The following TUT4 variants were observed in gnomAD, a reference collection of about 807,000 sequenced individuals.
TUT4 encodes terminal uridylyltransferase 4.
TUT4 carries 36 observed loss-of-function variants against 192.2 expected under a neutral mutation model. The ratio of observed to expected loss-of-function variants is 0.19; its 90% CI spans 0.14 to 0.25. The LOEUF (loss-of-function observed/expected upper bound fraction) is 0.25. TUT4 is among the 10% of genes least tolerant of loss of function. The pLI is 1.00. For missense variants in TUT4, 1,493 were observed against 1,957.2 expected (o/e 0.76, Z 4.47); for synonymous variants, 618 against 666.0 (o/e 0.93, Z 1.11).
Position 52,526,306 on chromosome 1 carries a change from T to C in TUT4, c.-26A>G, listed in dbSNP as rs770173130. On this transcript the variant is annotated 5_prime_UTR_variant, in exon 2 of 30. Transcript: ENST00000257177. ...TATTTGAAAATCTGTTTCTTTCCAA[T>C]TGTGATATTATAAAATGGCAGATCT... The C allele has an allele frequency of 4.8e-6, 7 of 1,458,340 alleles. No homozygotes were observed. The highest frequency in any genetic ancestry group is 2.9e-5 in the African/African-American group (2 of 69,324). 90.3% of individuals were successfully genotyped at this position (1,458,340 alleles called of 1,614,324 possible).
chr1:52,441,723 C>T (rs1470235970), intron 24 of TUT4, among the ~76,000 whole-genome samples: 1 of 152,126 alleles, frequency 6.6e-6, no homozygotes, highest in Admixed American at 6.6e-5. Context: ...ACGTTTATGA[C>T]TGTACTATAT....
intron 4 of TUT4, among the ~76,000 whole-genome samples, chr1:52,506,783 T>C (rs1348547647): frequency 2.6e-5 from 4 of 152,228 alleles, no homozygotes; most frequent in African/African-American, 2.4e-5. Flanking sequence ...TCAGTTATTA[T>C]AGCTGACTTT....
intron 4 of TUT4, among the ~76,000 whole-genome samples, chr1:52,502,671 T>C (rs1389868640): frequency 7.2e-6 from 1 of 138,808 alleles, no homozygotes; most frequent in Non-Finnish European, 1.5e-5. Flanking sequence ...CAGGTTGGCG[T>C]GGCGTGCAAT....
intron 20 of TUT4, among the ~76,000 whole-genome samples, chr1:52,448,102 C>A (rs1434126442): frequency 6.6e-6 from 1 of 152,122 alleles, no homozygotes; most frequent in African/African-American, 2.4e-5. Context: ...CCCTACTAGA[C>A]CAAAGCCACA....
intron 1 of TUT4, among the ~76,000 whole-genome samples, chr1:52,536,348 T>C (rs997568716): frequency 7.2e-5 from 11 of 152,030 alleles, no homozygotes; most frequent in African/African-American, 2.4e-4. Context: ...TACATCATTA[T>C]CCCCAAGGCA....
intron 6 of TUT4, 91 bp from the exon 7 acceptor site, chr1:52,493,753 A>G (rs189359114): frequency 3.8e-6 from 3 of 791,014 alleles, no homozygotes; most frequent in African/African-American, 1.8e-5. Context: ...AAAGAATAAC[A>G]TTTAAATATA....
At chr1:52,480,051 T>C (rs1239510389) in intron 11 of TUT4, among the ~76,000 whole-genome samples, 1 of 136,322 alleles carries the variant, frequency 7.3e-6, no homozygotes, top group African/African-American at 2.8e-5. Flanking sequence ...AGACAATAAA[T>C]GGGCAGTTGG....
intron 1 of TUT4, chr1:52,538,645 T>TAAAAAAAAA (rs372036890): frequency 1.4e-5 from 1 of 72,018 alleles, no homozygotes; most frequent in Non-Finnish European, 2.7e-5. Flanking sequence ...AGACTCTGTC[T>TAAAAAAAAA]AAAAAAAAAA....
intron 2 of TUT4, among the ~76,000 whole-genome samples, chr1:52,523,156 C>A (rs1235023652): frequency 2.0e-5 from 3 of 151,388 alleles, no homozygotes; most frequent in Admixed American, 6.6e-5. Flanking sequence ...CCACACCCGG[C>A]TGATTTTTCT....
intron 9 of TUT4, among the ~76,000 whole-genome samples, chr1:52,485,081 A>AG (rs1332099627): frequency 6.6e-6 from 1 of 152,250 alleles, no homozygotes; most frequent in Non-Finnish European, 1.5e-5. Flanking sequence ...CCCAGCCTCT[A>AG]GAACAGTGTC....
At chr1:52,512,799 C>T (rs1044922475) in intron 3 of TUT4, among the ~76,000 whole-genome samples, 2 of 151,998 alleles carry the variant, frequency 1.3e-5, no homozygotes, top group Non-Finnish European at 2.9e-5. Flanking sequence ...ATGGTTTGGA[C>T]TTATTTCTTC....
At chr1:52,424,149 G>A (rs1394121607) in intron 29 of TUT4, 147 bp from the exon 30 acceptor site, 15 of 753,506 alleles carry the variant, frequency 2.0e-5, no homozygotes, top group Non-Finnish European at 2.1e-6. Flanking sequence ...TGAGAGGGTG[G>A]GGAGAAAAAT....
chr1:52,455,607 TAAAAAAAA>T (rs34934935), intron 20 of TUT4, among the ~76,000 whole-genome samples: 2 of 40,560 alleles, frequency 4.9e-5, no homozygotes, highest in Non-Finnish European at 8.3e-5. Context: ...ACGCTACCTT[TAAAAAAAA>T]AAAAAAAAAA....
chr1:52,447,203 A>G (rs1341692319), intron 20 of TUT4, among the ~76,000 whole-genome samples: 2 of 152,116 alleles, frequency 1.3e-5, no homozygotes, highest in Non-Finnish European at 2.9e-5. Context: ...TAATCCCAGC[A>G]CTTTGGGAGG....
chr1:52,487,852 G>A (rs1194070322), intron 9 of TUT4, among the ~76,000 whole-genome samples: 1 of 152,194 alleles, frequency 6.6e-6, no homozygotes, highest in Non-Finnish European at 1.5e-5. Context: ...ATAAGCGGAA[G>A]TGGGGATCAG....
chr1:52,484,969 G>C (rs1004997230), intron 9 of TUT4, among the ~76,000 whole-genome samples: 5 of 152,118 alleles, frequency 3.3e-5, no homozygotes, highest in African/African-American at 1.2e-4. Context: ...GTAGCACTAA[G>C]CTCTAGCAGA....
intron 3 of TUT4, among the ~76,000 whole-genome samples, chr1:52,512,251 G>A (rs187572193): frequency 7.8e-4 from 119 of 152,036 alleles, no homozygotes; most frequent in Admixed American, 2.6e-3. Context: ...TGCCCCACCT[G>A]GTAAAAATAA....
At chr1:52,540,402 CT>C (rs1464353838) in intron 1 of TUT4, among the ~76,000 whole-genome samples, 1 of 151,406 alleles carries the variant, frequency 6.6e-6, no homozygotes, top group Non-Finnish European at 1.5e-5. Context: ...TGTAGTCCGA[CT>C]TCTCAGGAGG....
chr1:52,474,169 C>T (rs902583369), intron 13 of TUT4, among the ~76,000 whole-genome samples: 24 of 152,158 alleles, frequency 1.6e-4, no homozygotes, highest in Admixed American at 1.3e-3. Flanking sequence ...GATTGCACCA[C>T]TGCACTTCAG....
Sources: allele counts gnomAD v4.1 joint callset (sites outside exome capture counted in the v4.1 genomes callset), GRCh38; gene constraint gnomAD v4.1.1; transcripts MANE v1.5; gene names NCBI Gene and HGNC (gene_info 2026-07-23, HGNC 2026-07-21).